Variants in TIPRL observed in about 807,000 individuals in gnomAD.
TIPRL encodes the protein TIP41-like protein.
In TIPRL, 10 loss-of-function variants were observed where a neutral mutation model predicts 32.3. The observed-to-expected ratio is 0.31, with a 90% CI of 0.19 to 0.52. The LOEUF is 0.52. Among genes scored for constraint, TIPRL ranks in the 20% least tolerant of loss-of-function variants. The probability of loss-of-function intolerance (pLI) is 0.96; values close to 1 mark genes in which losing one functional copy is unlikely to be tolerated. For missense variants in TIPRL, 250 were observed against 328.1 expected, an observed-to-expected ratio of 0.76 and a Z score of 1.84; for synonymous variants, 100 against 114.0, an observed-to-expected ratio of 0.88 and a Z score of 0.78.
chr1:168,188,983 G>GAAA lies in TIPRL; in HGVS notation c.385-2374_385-2372dup, dbSNP rs11445431. Among the ~76,000 whole-genome samples, 1,100 of 145,148 alleles carry GAAA rather than the reference G, an allele frequency of 7.6e-3. 14 individuals carry two copies. The highest frequency in any genetic ancestry group is 0.025 in the African/African-American group (982 of 39,434). The stretch of plus-strand genomic sequence containing the variant: ...GCAACAGAGCGAGACTCTGTCTCAA[G>GAAA]AAAAAAAAAAAAAAGTTCTGAAATC... On this transcript the variant is annotated intron_variant, in intron 3 of 6. Coordinates refer to ENST00000367833, the MANE Select transcript of TIPRL (RefSeq NM_152902.5).
chr1:168,180,820 C>CTTTTTTTTTTTTTTTTTTTTTTT, intron 1 of TIPRL, among the ~76,000 whole-genome samples: 1 of 124,166 alleles, frequency 8.1e-6, no homozygotes, highest in Non-Finnish European at 1.7e-5. Flanking sequence ...TTTTTTATAA[C>CTTTTTTTTTTTTTTTTTTTTTTT]TTTTTTTTTT....
At chr1:168,197,297 A>G (rs1356395063) in intron 5 of TIPRL, among the ~76,000 whole-genome samples, 1 of 152,092 alleles carries the variant, frequency 6.6e-6, no homozygotes, top group Admixed American at 6.5e-5. Flanking sequence ...GAAAAAAAAA[A>G]AAAAGAAACA....
At chr1:168,197,948 A>G (rs1472370826) in intron 5 of TIPRL, among the ~76,000 whole-genome samples, 1 of 152,236 alleles carries the variant, frequency 6.6e-6, no homozygotes, top group African/African-American at 2.4e-5. Flanking sequence ...AGTTATACGT[A>G]CATGAATATT....
chr1:168,198,953 C>A lies in TIPRL; in HGVS notation c.647C>A (p.Ser216Ter). Residue 216 changes from serine to a stop codon, truncating the protein, a stop_gained, in exon 6 of 7, where the codon TCA becomes TAA. Transcript: ENST00000367833. LOFTEE classifies it high-confidence loss of function. Reference sequence around the variant, plus strand: ...ACCTACATGTTACGAGAATATACGTCACGAGAAAGCAAAATTTCTAGTTTG... The same window carrying A: ...ACCTACATGTTACGAGAATATACGTAACGAGAAAGCAAAATTTCTAGTTTG... Reference protein sequence around the residue: ...DKTYMLREYTSRESKISSLMH... With the variant: ...DKTYMLREYT 1 of 1,612,182 alleles carries A rather than the reference C, an allele frequency of 6.2e-7. No individual in the cohort carries two copies. Among genetic ancestry groups the A allele is most frequent in the South Asian group, 1.1e-5 (1 of 90,836 alleles).
chr1:168,181,235 A>G (rs1223783974), intron 1 of TIPRL, among the ~76,000 whole-genome samples: 2 of 145,542 alleles, frequency 1.4e-5, no homozygotes. Context: ...TTATTTTGAG[A>G]TGGAGTTTCA....
At position 168,200,186 on chromosome 1, in the gene TIPRL, C is replaced by A; in HGVS notation, c.*140C>A. 6.7e-6 allele frequency: 6 copies of A among 892,616 alleles called. No homozygotes were observed. The highest frequency in any genetic ancestry group is 9.7e-6 in the Non-Finnish European group (6 of 618,224). The allele number at this position is 892,616 out of a possible 1,614,324, so 55.3% of individuals were successfully genotyped here. A position where few individuals can be genotyped will look rare whatever the true frequency, so the allele number is the denominator to read the frequency against. ...CCTTAAAGGAAAAAAAAATAAAGATCGTTACAGGCAGGTTTCACTCAACTG... is the reference window on the plus strand; with the variant it reads ...CCTTAAAGGAAAAAAAAATAAAGATAGTTACAGGCAGGTTTCACTCAACTG... On this transcript the variant is annotated 3_prime_UTR_variant, in exon 7 of 7. Transcript: ENST00000367833.
rs558527440 is a variant in TIPRL at position 168,183,035 on chromosome 1, T to A, written c.105-867T>A. Among the ~76,000 whole-genome samples the A allele has an allele frequency of 7.2e-5, 11 of 152,334 alleles. No homozygotes were observed. The East Asian group carries it at 2.1e-3, about 29-fold the overall frequency. On this transcript the variant is annotated intron_variant, in intron 1 of 6. Transcript: ENST00000367833. Reference sequence around the variant, plus strand: ...ACCTCAAAGTTAGATCACTGATATGTGCACACAGAAATACACGTTTAGATG... The same window carrying A: ...ACCTCAAAGTTAGATCACTGATATGAGCACACAGAAATACACGTTTAGATG...
At chr1:168,199,790 A>T (rs1700190925) in intron 6 of TIPRL, 113 bp from the exon 7 acceptor site, 11 of 1,031,944 alleles carry the variant, frequency 1.1e-5, no homozygotes, top group Non-Finnish European at 1.5e-5. Flanking sequence ...ACATATGCAT[A>T]TATTGCACCT....
chr1:168,185,903 C>T (rs1396692324), intron 3 of TIPRL, among the ~76,000 whole-genome samples: 1 of 150,444 alleles, frequency 6.6e-6, no homozygotes, highest in Non-Finnish European at 1.5e-5. Flanking sequence ...GGTGAAACCC[C>T]ATCTCTACTA....
intron 4 of TIPRL, among the ~76,000 whole-genome samples, chr1:168,193,873 T>C (rs1311968940): frequency 6.6e-6 from 1 of 152,228 alleles, no homozygotes; most frequent in African/African-American, 2.4e-5. Context: ...GAATAAAATA[T>C]ATTTTAATAC....
chr1:168,179,762 C>T (rs890972765), intron 1 of TIPRL, among the ~76,000 whole-genome samples: 10 of 151,948 alleles, frequency 6.6e-5, no homozygotes, highest in Admixed American at 3.3e-4. Flanking sequence ...AAAACCGTTG[C>T]GGGGGGCGGT....
At chr1:168,192,215 G>A in intron 4 of TIPRL, 1 of 1,489,338 alleles carries the variant, frequency 6.7e-7, no homozygotes, top group Non-Finnish European at 9.0e-7. Context: ...CAGCCTGGTG[G>A]CGGGCACCTG....
rs1292587787 is a variant in TIPRL at position 168,186,503 on chromosome 1, CAA to C, written c.384+1626_384+1627del. On this transcript the variant is annotated intron_variant, in intron 3 of 6. Transcript: ENST00000367833. ...AGAGAAAGGCTCTGTTTCAGAAAAA[CAA>C]TAAGTAAAATAAAATAAAGCAAATT... 2.0e-5 allele frequency among the ~76,000 whole-genome samples: 3 copies of C among 151,922 alleles called. No individual in the cohort carries two copies. In the East Asian group the frequency reaches 5.8e-4, roughly 29 times the overall value.
At chr1:168,191,869 A>AG (rs1406395558) in intron 4 of TIPRL, among the ~76,000 whole-genome samples, 1 of 151,224 alleles carries the variant, frequency 6.6e-6, no homozygotes, top group African/African-American at 2.4e-5. Context: ...AAAAAAAAAA[A>AG]AAAAAAAAAA....
At chr1:168,196,358 T>C (rs1034663600) in intron 4 of TIPRL, among the ~76,000 whole-genome samples, 189 bp from the exon 5 acceptor site, 1 of 152,196 alleles carries the variant, frequency 6.6e-6, no homozygotes, top group Non-Finnish European at 1.5e-5. Flanking sequence ...TGTTAAATAG[T>C]TTGCACAAGG....
chr1:168,192,527 A>G lies in TIPRL; in HGVS notation c.516+1027A>G, dbSNP rs138845375. 3.5e-5 allele frequency: 17 copies of G among 490,926 alleles called. No homozygotes were observed. The East Asian group carries it at 1.4e-3, about 42-fold the overall frequency. 30.4% of individuals were successfully genotyped at this position (490,926 alleles called of 1,614,324 possible). On this transcript the variant is annotated intron_variant, in intron 4 of 6. Coordinates refer to ENST00000367833, the MANE Select transcript of TIPRL (RefSeq NM_152902.5). Reference sequence around the variant, plus strand: ...TTTAAGACCCAAAGACCCAGCTAAAATACCACCTTTTCTACAAGGCCCTTC... The same window carrying G: ...TTTAAGACCCAAAGACCCAGCTAAAGTACCACCTTTTCTACAAGGCCCTTC...
intron 4 of TIPRL, among the ~76,000 whole-genome samples, chr1:168,196,132 G>A (rs772240853): frequency 1.3e-5 from 2 of 152,190 alleles, no homozygotes; most frequent in Non-Finnish European, 2.9e-5. Context: ...TGTAAGGTCT[G>A]TTGCTTTGTT....
At position 168,179,069 on chromosome 1, in the gene TIPRL, G is replaced by A. The variant is rs370875883; in HGVS notation, c.-9G>A. ...ATTCCTTGTGGCCTCTGCGGGTCCT[G>A]CCTCAGCCATGATGATCCACGGCTT... On this transcript the variant is annotated 5_prime_UTR_variant, in exon 1 of 7. Transcript: ENST00000367833. 1 of 1,613,168 alleles carries A rather than the reference G, an allele frequency of 6.2e-7. No individual in the cohort carries two copies. Among genetic ancestry groups the A allele is most frequent in the Non-Finnish European group, 8.5e-7 (1 of 1,179,338 alleles).
chr1:168,183,613 A>G (rs1365881497), intron 1 of TIPRL, among the ~76,000 whole-genome samples: 1 of 152,072 alleles, frequency 6.6e-6, no homozygotes, highest in Non-Finnish European at 1.5e-5. Flanking sequence ...CCCTCATGAT[A>G]TATATTATAG....
Sources: allele counts gnomAD v4.1 joint callset (sites outside exome capture counted in the v4.1 genomes callset), GRCh38; gene constraint gnomAD v4.1.1; transcripts MANE v1.5; gene names NCBI Gene and HGNC (gene_info 2026-07-23, HGNC 2026-07-21).